NSF: variants seen among roughly 807,000 people sequenced by gnomAD.
NSF encodes the protein vesicle-fusing ATPase.
A neutral mutation model predicts 50.3 loss-of-function variants in NSF; 14 were observed. The ratio of observed to expected loss-of-function variants is 0.28; its 90% CI spans 0.18 to 0.44. NSF has a LOEUF of 0.44. NSF is among the 20% of genes least tolerant of loss of function. NSF has a pLI of 1.00. For missense variants in NSF, 218 were observed against 504.3 expected (o/e 0.43, Z 5.44); for synonymous variants, 109 against 175.7 (o/e 0.62, Z 3.00).
intron 9 of NSF, among the ~76,000 whole-genome samples, chr17:46,679,904 T>G (rs1347752857): frequency 1.4e-5 from 2 of 148,114 alleles, no homozygotes; most frequent in South Asian, 4.3e-4. Context: ...ACAATTTCAT[T>G]TATAGCAGAA....
chr17:46,714,049 T>TATA (rs1234369831), intron 15 of NSF, 63 bp downstream of exon 15: 2 of 1,506,784 alleles, frequency 1.3e-6, no homozygotes, highest in East Asian at 4.6e-5. Context: ...TGTGCACATA[T>TATA]ATATGCCTTT....
chr17:46,718,826 A>G (rs373794736), intron 15 of NSF, among the ~76,000 whole-genome samples: 18 of 152,358 alleles, frequency 1.2e-4, no homozygotes, highest in South Asian at 1.0e-3. Flanking sequence ...TATGAAATCA[A>G]TGAAGTGTAG....
rs866418581 is a variant in NSF, at chr17:46,756,503, C to G, written c.*680C>G. ...TCCCCTTAAGTATAACTAATTTGCT[C>G]TGTGGTAAGAGATATGCTCATTATT... On this transcript the variant is annotated 3_prime_UTR_variant, in exon 21 of 21. Coordinates refer to ENST00000398238, the MANE Select transcript of NSF (RefSeq NM_006178.4). 2 of 152,246 alleles carry G rather than the reference C, an allele frequency of 1.3e-5. No homozygotes were observed. The highest frequency in any genetic ancestry group is 2.1e-4 in the South Asian group (1 of 4,820). 9.4% of individuals were successfully genotyped at this position (152,246 alleles called of 1,614,324 possible).
Position 46,713,987 on chromosome 17 carries a change from GT to G in NSF, c.1761+2del. 1 of 1,596,748 alleles carries G rather than the reference GT, an allele frequency of 6.3e-7. No homozygotes were observed. Among genetic ancestry groups the G allele is most frequent in the Non-Finnish European group, 8.5e-7 (1 of 1,175,574 alleles). On this transcript the variant is annotated splice_donor_variant, in intron 15 of 20. Coordinates refer to ENST00000398238, the MANE Select transcript of NSF (RefSeq NM_006178.4). LOFTEE classifies it high-confidence loss of function. ...AGCCAAATGTCAGGCCATGAAGAAG[GT>G]ATCAAGATTTTACTTTCATTTTAAT...
chr17:46,679,692 CAA>C (rs140927640), intron 9 of NSF, among the ~76,000 whole-genome samples: 46 of 101,384 alleles, frequency 4.5e-4, no homozygotes, highest in Non-Finnish European at 6.5e-4. Flanking sequence ...AACTCCATGT[CAA>C]AAAAAAAAAA....
intron 13 of NSF, 58 bp downstream of exon 13, chr17:46,704,912 G>A: frequency 6.4e-7 from 1 of 1,551,314 alleles, no homozygotes; most frequent in Non-Finnish European, 8.7e-7. Flanking sequence ...AATAACTCAG[G>A]CGAAAAGTAA....
chr17:46,708,910 C>T (rs1205058452), intron 13 of NSF, among the ~76,000 whole-genome samples: 2 of 147,604 alleles, frequency 1.4e-5, no homozygotes, highest in Non-Finnish European at 3.0e-5. Flanking sequence ...CTGCAACCTC[C>T]GCCTCCTGGG....
chr17:46,706,967 C>T (rs1265039132), intron 13 of NSF, among the ~76,000 whole-genome samples: 3 of 147,536 alleles, frequency 2.0e-5, no homozygotes, highest in South Asian at 4.5e-4. Context: ...TATCCTGCCT[C>T]AGCCTCCCGA....
chr17:46,595,878 ACTCC>A (rs1464874179), intron 1 of NSF, among the ~76,000 whole-genome samples: 2 of 139,194 alleles, frequency 1.4e-5, no homozygotes, highest in Non-Finnish European at 3.0e-5. Flanking sequence ...CTATTTTTCC[ACTCC>A]CTGCCTCCTT....
At chr17:46,753,640 T>C (rs2059205507) in intron 19 of NSF, among the ~76,000 whole-genome samples, 1 of 152,204 alleles carries the variant, frequency 6.6e-6, no homozygotes, top group Admixed American at 6.5e-5. Flanking sequence ...GAAGAAACTA[T>C]GTGGATTTTT....
intron 17 of NSF, among the ~76,000 whole-genome samples, chr17:46,732,938 G>C (rs2058964833): frequency 6.6e-6 from 1 of 152,212 alleles, no homozygotes; most frequent in African/African-American, 2.4e-5. Flanking sequence ...AAGGCATGGG[G>C]GTGCTCACTG....
At chr17:46,740,277 G>A (rs765477116) in intron 17 of NSF, among the ~76,000 whole-genome samples, 2 of 152,144 alleles carry the variant, frequency 1.3e-5, no homozygotes, top group African/African-American at 2.4e-5. Flanking sequence ...GAGCAATGTG[G>A]GCTCTGTAGG....
rs555324647 is a variant in NSF, at chr17:46,717,840, C to T, written c.1761+3854C>T. Among the ~76,000 whole-genome samples the T allele has an allele frequency of 3.3e-5, 5 of 152,312 alleles. No individual in the cohort carries two copies. In the East Asian group the frequency reaches 5.8e-4, roughly 18 times the overall value. The stretch of plus-strand genomic sequence containing the variant: ...CGGAAATCACGCTTAACAACTTTGA[C>T]AAGGTCCTGGAGCATGATGGAAAGC... On this transcript the variant is annotated intron_variant, in intron 15 of 20. Coordinates refer to ENST00000398238, the MANE Select transcript of NSF (RefSeq NM_006178.4).
At chr17:46,610,101 C>CTCTCTT (rs2058001327) in intron 1 of NSF, among the ~76,000 whole-genome samples, 1 of 36,356 alleles carries the variant, frequency 2.8e-5, no homozygotes, top group African/African-American at 2.3e-4. Flanking sequence ...TTCTCTCTTT[C>CTCTCTT]TCTCTCTCTC....
chr17:46,737,206 G>T (rs908968172), intron 17 of NSF, among the ~76,000 whole-genome samples: 6 of 152,142 alleles, frequency 3.9e-5, no homozygotes, highest in African/African-American at 7.2e-5. Context: ...TGTGCACAAG[G>T]TGGGCACAGG....
At chr17:46,708,196 CG>C (rs1252566585) in intron 13 of NSF, among the ~76,000 whole-genome samples, 2 of 152,058 alleles carry the variant, frequency 1.3e-5, no homozygotes, top group Non-Finnish European at 2.9e-5. Flanking sequence ...TTAGTTCTTT[CG>C]GGTATATACT....
At chr17:46,635,872 G>A (rs1477777972) in intron 4 of NSF, among the ~76,000 whole-genome samples, 1 of 124,062 alleles carries the variant, frequency 8.1e-6, no homozygotes, top group Non-Finnish European at 1.8e-5. Flanking sequence ...CTTACTAGGC[G>A]TAATCAAGTT....
chr17:46,747,477 G>A (rs1049252303), intron 17 of NSF, among the ~76,000 whole-genome samples: 2 of 151,922 alleles, frequency 1.3e-5, no homozygotes, highest in South Asian at 2.1e-4. Context: ...ATGAGGTTTC[G>A]CCATGTTACC....
At chr17:46,729,045 G>T in intron 17 of NSF, 111 bp downstream of exon 17, 1 of 683,774 alleles carries the variant, frequency 1.5e-6, no homozygotes, top group Non-Finnish European at 2.3e-6. Flanking sequence ...AAATTCTGTT[G>T]TTGAAAGGAT....
Sources: allele counts gnomAD v4.1 joint callset (sites outside exome capture counted in the v4.1 genomes callset), GRCh38; gene constraint gnomAD v4.1.1; transcripts MANE v1.5; gene names NCBI Gene and HGNC (gene_info 2026-07-23, HGNC 2026-07-21).